Variants in LMBR1L observed in about 807,000 individuals in gnomAD.
LMBR1L encodes the protein protein LMBR1L.
A neutral mutation model predicts 67.3 loss-of-function variants in LMBR1L; 47 were observed. The ratio of observed to expected loss-of-function variants is 0.70; its 90% CI spans 0.55 to 0.89. The LOEUF (loss-of-function observed/expected upper bound fraction) is 0.89. Among genes scored for constraint, LMBR1L ranks in the 40% least tolerant of loss-of-function variants. The pLI is 0.00. For missense variants in LMBR1L, 533 were observed against 599.2 expected (o/e 0.89, Z 1.15); for synonymous variants, 247 against 250.3 (o/e 0.99, Z 0.13).
intron 1 of LMBR1L, among the ~76,000 whole-genome samples, chr12:49,108,100 TA>T (rs1941125545): frequency 6.6e-6 from 1 of 151,780 alleles, no homozygotes; most frequent in Non-Finnish European, 1.5e-5. Context: ...CCATCTCTAC[TA>T]AAAAAACAAA....
chr12:49,104,671 C>T, intron 4 of LMBR1L, 75 bp downstream of exon 4: 2 of 1,597,112 alleles, frequency 1.3e-6, no homozygotes, highest in South Asian at 2.2e-5. Flanking sequence ...TGGCGCACGG[C>T]TGCCTGAGTC....
In LMBR1L at chr12:49,097,567, C is replaced by G. The variant is rs1939542262; in HGVS notation, c.*105G>C. 2 of 1,162,840 alleles carry G rather than the reference C, an allele frequency of 1.7e-6. No homozygotes were observed. Among genetic ancestry groups the G allele is most frequent in the South Asian group, 2.6e-5 (2 of 77,320 alleles). 72.0% of individuals were successfully genotyped at this position (1,162,840 alleles called of 1,614,324 possible). A position where few individuals can be genotyped will look rare whatever the true frequency, so the allele number is the denominator to read the frequency against. On this transcript the variant is annotated 3_prime_UTR_variant, in exon 17 of 17. Coordinates refer to ENST00000267102, the MANE Select transcript of LMBR1L (RefSeq NM_018113.4). Reference sequence around the variant, plus strand: ...GCTCTGCTCCCCTCTGCCACCCACCCTCTCAGATTCCAGGTCCTGAGGTCC... The same window carrying G: ...GCTCTGCTCCCCTCTGCCACCCACCGTCTCAGATTCCAGGTCCTGAGGTCC...
In LMBR1L at chr12:49,100,457, G is replaced by C. The variant is rs753567440; in HGVS notation, c.1174-3C>G. ...AGACAGACACAGTTCCCAATTATCT[G>C]GGTGGAAGCAGGGAAAGGAGAGGTG... is the stretch of plus-strand genomic sequence containing the variant. On this transcript the variant is annotated splice_region_variant and splice_polypyrimidine_tract_variant and intron_variant, in intron 14 of 16. Transcript: ENST00000267102. The C allele has an allele frequency of 3.1e-6, 5 of 1,613,624 alleles. No homozygotes were observed. Among genetic ancestry groups the C allele is most frequent in the Non-Finnish European group, 2.5e-6 (3 of 1,179,512 alleles).
chr12:49,110,657 T>C lies in LMBR1L; in HGVS notation c.-102A>G. 1 of 975,188 alleles carries C rather than the reference T, an allele frequency of 1.0e-6. No homozygotes were observed. The highest frequency in any genetic ancestry group is 1.6e-6 in the Non-Finnish European group (1 of 613,306). 60.4% of individuals were successfully genotyped at this position (975,188 alleles called of 1,614,324 possible). A position where few individuals can be genotyped will look rare whatever the true frequency, so the allele number is the denominator to read the frequency against. On this transcript the variant is annotated 5_prime_UTR_variant, in exon 1 of 17. Transcript: ENST00000267102. The stretch of plus-strand genomic sequence containing the variant: ...AGCACCCAGACCCAGCCTAGGGGCC[T>C]TTCCTCGCAGCCTGCGACAGAAACT...
At chr12:49,102,581 C>T in intron 8 of LMBR1L, 41 bp from the exon 9 acceptor site, 1 of 1,598,946 alleles carries the variant, frequency 6.3e-7, no homozygotes, top group Non-Finnish European at 8.6e-7. Flanking sequence ...GTCAGAGGCT[C>T]CCTGACCCAA....
chr12:49,108,293 G>A (rs750172710), intron 1 of LMBR1L, among the ~76,000 whole-genome samples: 1 of 151,942 alleles, frequency 6.6e-6, no homozygotes, highest in African/African-American at 2.4e-5. Context: ...GCTGGGCGCA[G>A]TGGCTCACGC....
chr12:49,106,925 C>T, intron 2 of LMBR1L, 36 bp downstream of exon 2: 1 of 1,506,588 alleles, frequency 6.6e-7, no homozygotes, highest in South Asian at 1.1e-5. Context: ...TCCATGGCAA[C>T]AGGGACTCTA....
Position 49,100,626 on chromosome 12 carries a change from A to G in LMBR1L, c.1103T>C (p.Val368Ala), listed in dbSNP as rs1331721836. The change falls in exon 14 of 17, where the codon GTT becomes GCT. Residue 368 changes from valine to alanine, a missense_variant. Coordinates refer to ENST00000267102, the MANE Select transcript of LMBR1L (RefSeq NM_018113.4). Reference sequence around the variant, plus strand: ...GAGTGGAGAGCTATAGAAGCCCACAACTGAGGACACCATTAGGTAACTGCC... The same window carrying G: ...GAGTGGAGAGCTATAGAAGCCCACAGCTGAGGACACCATTAGGTAACTGCC... The part of the protein sequence containing the change: ...VLIFYLMVSS[V>A]VGFYSSPLFR... 8 of 1,613,958 alleles carry G rather than the reference A, an allele frequency of 5.0e-6. No homozygotes were observed. Among genetic ancestry groups the G allele is most frequent in the Non-Finnish European group, 6.8e-6 (8 of 1,179,842 alleles).
rs765445858 is a variant in LMBR1L, at chr12:49,097,999, G to A, written c.1347C>T (p.Leu449=). The A allele has an allele frequency of 6.2e-7, 1 of 1,614,022 alleles. No individual in the cohort carries two copies. The highest frequency in any genetic ancestry group is 1.7e-5 in the Admixed American group (1 of 60,006). Residue 449 remains leucine (L), a synonymous_variant, in exon 16 of 17, where the codon CTC becomes CTT. Coordinates refer to ENST00000267102, the MANE Select transcript of LMBR1L (RefSeq NM_018113.4). ...CTGCAGTGAAGGTCTTCACCAGACA[G>A]AGTGTGGTGAGGCCTGCAAAGGCTG... ...YNAAFAGLTT[L]CLVKTFTAAV...
intron 1 of LMBR1L, among the ~76,000 whole-genome samples, chr12:49,107,632 G>A (rs1168633611): frequency 2.0e-5 from 3 of 152,186 alleles, no homozygotes. Flanking sequence ...CCAAACCAGA[G>A]TCTCATTTAA....
At chr12:49,100,055 C>A (rs1031576036) in intron 15 of LMBR1L, among the ~76,000 whole-genome samples, 2 of 152,194 alleles carry the variant, frequency 1.3e-5, no homozygotes, top group African/African-American at 4.8e-5. Flanking sequence ...CTGGGTTAAT[C>A]AGGTAGCTTC....
chr12:49,100,266 GATA>G (rs1939969859), intron 15 of LMBR1L, 119 bp downstream of exon 15: 1 of 806,752 alleles, frequency 1.2e-6, no homozygotes, highest in South Asian at 1.4e-5. Context: ...GTATAATGCG[GATA>G]ATACCTACTC....
Position 49,105,963 on chromosome 12 carries a change from A to T in LMBR1L, c.158-6T>A, listed in dbSNP as rs539811061. 1.2e-6 allele frequency: 2 copies of T among 1,612,912 alleles called. No individual in the cohort carries two copies. The highest frequency in any genetic ancestry group is 2.2e-5 in the East Asian group (1 of 44,780). On this transcript the variant is annotated splice_region_variant and splice_polypyrimidine_tract_variant and intron_variant, in intron 2 of 16. Transcript: ENST00000267102. ...GGTGGCATCTTCATCATCCACTGTA[A>T]GAGACAGAGGCACGGGGAACAGGCA...
rs1351860787 is a variant in LMBR1L at position 49,102,185 on chromosome 12, T to TCC, written c.863_864dup (p.Lys289GlyfsTer22). ...AGGTTCCGTTGCCAGGCTGAAGCCT[T>TCC]CCGCCTCTTCTCTGTGCAGGGATGG... On this transcript the variant is annotated frameshift_variant, in exon 11 of 17. Transcript: ENST00000267102. LOFTEE classifies it high-confidence loss of function. The TCC allele has an allele frequency of 6.2e-7, 1 of 1,614,026 alleles. No homozygotes were observed. Among genetic ancestry groups the TCC allele is most frequent in the Non-Finnish European group, 8.5e-7 (1 of 1,180,018 alleles).
intron 6 of LMBR1L, 123 bp from the exon 7 acceptor site, chr12:49,103,282 A>T (rs1940457950): frequency 1.0e-5 from 8 of 800,870 alleles, no homozygotes; most frequent in Admixed American, 2.5e-5. Flanking sequence ...AATACAAATG[A>T]AGAAAGCTGG....
chr12:49,102,876 A>G lies in LMBR1L; in HGVS notation c.696+11T>C. On this transcript the variant is annotated intron_variant, in intron 8 of 16. Coordinates refer to ENST00000267102, the MANE Select transcript of LMBR1L (RefSeq NM_018113.4). ...ACCCTGCAGGATCAAAGAGCAAGGA[A>G]TACCACATACCCGGGGCTTGACTAG... 6.2e-7 allele frequency: 1 copy of G among 1,613,630 alleles called. No homozygotes were observed. Among genetic ancestry groups the G allele is most frequent in the East Asian group, 2.2e-5 (1 of 44,880 alleles).
At chr12:49,106,928 G>C (rs1940983707) in intron 2 of LMBR1L, 33 bp downstream of exon 2, 1 of 1,519,544 alleles carries the variant, frequency 6.6e-7, no homozygotes, top group Non-Finnish European at 9.1e-7. Context: ...ATGGCAACAG[G>C]GACTCTAGCA....
At position 49,097,909 on chromosome 12, in the gene LMBR1L, AC is replaced by A. The variant is rs386376451; in HGVS notation, c.1402+34del. On this transcript the variant is annotated intron_variant, in intron 16 of 16. Coordinates refer to ENST00000267102, the MANE Select transcript of LMBR1L (RefSeq NM_018113.4). ...TTCCAGAGTGTCCTAGATGATTACCACCCCCCACTAGCCTGCACCCTCACTC... is the reference window on the plus strand; with the variant it reads ...TTCCAGAGTGTCCTAGATGATTACCACCCCCACTAGCCTGCACCCTCACTC... 5 of 1,595,370 alleles carry A rather than the reference AC, an allele frequency of 3.1e-6. No individual in the cohort carries two copies. In the African/African-American group the frequency reaches 5.4e-5, roughly 17 times the overall value.
At chr12:49,106,320 G>C in intron 2 of LMBR1L, 1 of 381,636 alleles carries the variant, frequency 2.6e-6, no homozygotes, top group Non-Finnish European at 5.0e-6. Flanking sequence ...AGGGAAAAGA[G>C]AGGAGGGGGA....
Sources: allele counts gnomAD v4.1 joint callset (sites outside exome capture counted in the v4.1 genomes callset), GRCh38; gene constraint gnomAD v4.1.1; transcripts MANE v1.5; gene names NCBI Gene and HGNC (gene_info 2026-07-23, HGNC 2026-07-21).